The following EP400 variants were observed in gnomAD, a reference collection of about 807,000 sequenced individuals.
EP400 encodes E1A-binding protein p400.
A neutral mutation model predicts 354.1 loss-of-function variants in EP400; 105 were observed. That is an observed-to-expected ratio of 0.30 (90% confidence interval 0.25 to 0.35). The LOEUF (loss-of-function observed/expected upper bound fraction) is 0.35. EP400 is among the 10% of genes least tolerant of loss of function. The pLI is 1.00. For synonymous variants in EP400, 1,646 were observed against 1,716.9 expected, an observed-to-expected ratio of 0.96 and a Z score of 1.02; for missense variants, 3,280 against 4,121.0, an observed-to-expected ratio of 0.80 and a Z score of 5.59.
In EP400 at chr12:132,067,192, A is replaced by T; in HGVS notation, c.8750-170A>T. The T allele has an allele frequency of 8.4e-7, 1 of 1,194,870 alleles. No individual in the cohort carries two copies. The highest frequency in any genetic ancestry group is 1.2e-6 in the Non-Finnish European group (1 of 857,596). 74.0% of individuals were successfully genotyped at this position (1,194,870 alleles called of 1,614,324 possible). On this transcript the variant is annotated intron_variant, in intron 49 of 52. Coordinates refer to ENST00000389561, the MANE Select transcript of EP400 (RefSeq NM_015409.5). This position sits in a 1 kb window ranked among gnomAD's most constrained non-coding sequence, Gnocchi z 5.3. ...GAAATTTCCGTCTTAATTTAAGTGT[A>T]ATTTGTGAACCCAGAAACATTTTAA... is the stretch of plus-strand genomic sequence containing the variant.
Position 132,034,723 on chromosome 12 carries a change from G to A in EP400, c.5951+2574G>A, listed in dbSNP as rs553865578. Among the ~76,000 whole-genome samples, 11 of 152,386 alleles carry A rather than the reference G, an allele frequency of 7.2e-5. No individual in the cohort carries two copies. In the East Asian group the frequency reaches 2.1e-3, roughly 29 times the overall value. On this transcript the variant is annotated intron_variant, in intron 30 of 52. Coordinates refer to ENST00000389561, the MANE Select transcript of EP400 (RefSeq NM_015409.5). ...GTCATGAATGTGCCGCACACCTTGT[G>A]CTCCACGAGTGAGAGGAGGGGCTTG...
intron 35 of EP400, 128 bp downstream of exon 35, chr12:132,044,439 A>C: frequency 7.4e-7 from 1 of 1,352,786 alleles, no homozygotes; most frequent in East Asian, 2.5e-5. Context: ...TACTTCTCAT[A>C]TCAACACAAC....
Position 132,027,591 on chromosome 12 carries a change from C to CGTTGT in EP400, c.5109+64_5109+68dup, listed in dbSNP as rs1402322624. On this transcript the variant is annotated intron_variant, in intron 26 of 52. Coordinates refer to ENST00000389561, the MANE Select transcript of EP400 (RefSeq NM_015409.5). This position sits in a 1 kb window ranked among gnomAD's most constrained non-coding sequence, Gnocchi z 4.9. The stretch of plus-strand genomic sequence containing the variant: ...GACAGGTAGCTTTCCAAGAGCTGCT[C>CGTTGT]GTTGTGTTTGGTTGTGATATTTAAA... The CGTTGT allele has an allele frequency of 1.4e-6, 2 of 1,406,368 alleles. No homozygotes were observed. The highest frequency in any genetic ancestry group is 4.6e-5 in the Admixed American group (2 of 43,750). 87.1% of individuals were successfully genotyped at this position (1,406,368 alleles called of 1,614,324 possible). A position where few individuals can be genotyped will look rare whatever the true frequency, so the allele number is the denominator to read the frequency against.
intron 47 of EP400, among the ~76,000 whole-genome samples, chr12:132,063,631 G>A (rs1895781730): frequency 6.6e-6 from 1 of 152,216 alleles, no homozygotes; most frequent in Non-Finnish European, 1.5e-5. Flanking sequence ...TCACTGTTGG[G>A]CCTGCCGGAG....
At chr12:132,040,762 T>C (rs1477641798) in intron 32 of EP400, among the ~76,000 whole-genome samples, 1 of 152,126 alleles carries the variant, frequency 6.6e-6, no homozygotes, top group Non-Finnish European at 1.5e-5. Flanking sequence ...GCAGACAGGT[T>C]AGTGTGGCTG....
Position 132,017,720 on chromosome 12 carries a change from A to G in EP400, c.4109A>G (p.Lys1370Arg). Reference protein sequence around the residue: ...ILKALERDFWKEADLSMFDLI... With the variant: ...ILKALERDFWREADLSMFDLI... ...AAGGCACTGGAGAGAGATTTCTGGA[A>G]GGTAAGTGGAGGATCCAGAAAGCGG... The change falls in exon 20 of 53, where the codon AAG becomes AGG. Residue 1370 changes from lysine to arginine, a missense_variant and splice_region_variant. Lys to Arg is a conservative substitution (Grantham distance 26). Around this residue, in one of 20 missense-constraint regions of EP400, gnomAD observed 342 missense variants for 342.7 expected, o/e 1.00. Transcript: ENST00000389561. This position sits in a 1 kb window ranked among gnomAD's most constrained non-coding sequence, Gnocchi z 5.0. The G allele has an allele frequency of 6.6e-7, 1 of 1,516,474 alleles. No individual in the cohort carries two copies. Among genetic ancestry groups the G allele is most frequent in the Non-Finnish European group, 8.8e-7 (1 of 1,133,044 alleles). The allele number at this position is 1,516,474 out of a possible 1,614,324, so 93.9% of individuals were successfully genotyped here.
In EP400 at chr12:132,055,079, A is replaced by G; in HGVS notation, c.7775-20A>G. Reference sequence around the variant, plus strand: ...CCATTTCTCCTGGCGCTGTTGCCTTATGCCCGCCTGTCTCCGCAGGTGCCG... The same window carrying G: ...CCATTTCTCCTGGCGCTGTTGCCTTGTGCCCGCCTGTCTCCGCAGGTGCCG... On this transcript the variant is annotated intron_variant, in intron 44 of 52. Coordinates refer to ENST00000389561, the MANE Select transcript of EP400 (RefSeq NM_015409.5). 1 of 1,613,872 alleles carries G rather than the reference A, an allele frequency of 6.2e-7. No individual in the cohort carries two copies. Among genetic ancestry groups the G allele is most frequent in the East Asian group, 2.2e-5 (1 of 44,866 alleles).
chr12:131,997,424 C>T (rs1261822021), intron 12 of EP400, among the ~76,000 whole-genome samples: 4 of 151,944 alleles, frequency 2.6e-5, no homozygotes, highest in Non-Finnish European at 2.9e-5. Context: ...CGCGCTACCA[C>T]GCCCAGCTGA....
chr12:132,064,268 T>G (rs1895812753), intron 47 of EP400, among the ~76,000 whole-genome samples: 1 of 152,222 alleles, frequency 6.6e-6, no homozygotes, highest in Admixed American at 6.5e-5. Flanking sequence ...TCAAAACCAG[T>G]TCACTTCCAG....
In EP400 at chr12:132,028,056, A is replaced by T. The variant is rs757664330; in HGVS notation, c.5149A>T (p.Ile1717Phe). ...TRLLKERLDQ[I>F]YLVNERRCSQ... Reference sequence around the variant, plus strand: ...ACTCTTGAAAGAGCGCCTGGATCAGATTTATTTAGTCAACGAGCGGCGCTG... The same window carrying T: ...ACTCTTGAAAGAGCGCCTGGATCAGTTTTATTTAGTCAACGAGCGGCGCTG... The change falls in exon 27 of 53, where the codon ATT (isoleucine) becomes TTT (phenylalanine). Residue 1717 changes from isoleucine to phenylalanine, a missense_variant. Coordinates refer to ENST00000389561, the MANE Select transcript of EP400 (RefSeq NM_015409.5). 1 of 1,614,210 alleles carries T rather than the reference A, an allele frequency of 6.2e-7. No individual in the cohort carries two copies. Among genetic ancestry groups the T allele is most frequent in the Non-Finnish European group, 8.5e-7 (1 of 1,180,026 alleles).
At position 132,017,517 on chromosome 12, in the gene EP400, T is replaced by G. The variant is rs1473783462; in HGVS notation, c.3924-18T>G. 3 of 1,612,380 alleles carry G rather than the reference T, an allele frequency of 1.9e-6. No homozygotes were observed. Among genetic ancestry groups the G allele is most frequent in the Non-Finnish European group, 2.5e-6 (3 of 1,179,262 alleles). On this transcript the variant is annotated intron_variant, in intron 19 of 52. Coordinates refer to ENST00000389561, the MANE Select transcript of EP400 (RefSeq NM_015409.5). The surrounding 1 kb of genome is among the most constrained non-coding windows in gnomAD (Gnocchi z 5.0). Reference sequence around the variant, plus strand: ...GCCGTTTGGATTGAATGCTTCGTGTTTCTTTCTCCACGGGCAGCACTCAGG... The same window carrying G: ...GCCGTTTGGATTGAATGCTTCGTGTGTCTTTCTCCACGGGCAGCACTCAGG...
rs1449768842 is a variant in EP400, at chr12:132,025,872, GA to G, written c.5014+71del. On this transcript the variant is annotated intron_variant, in intron 25 of 52. Coordinates refer to ENST00000389561, the MANE Select transcript of EP400 (RefSeq NM_015409.5). This position sits in a 1 kb window ranked among gnomAD's most constrained non-coding sequence, Gnocchi z 4.1. ...CTTTCTCTTCCATCTAAGGCGAGTGGAAAGCATTCATGTGTCTTTGACTGTA... is the reference window on the plus strand; with the variant it reads ...CTTTCTCTTCCATCTAAGGCGAGTGGAAGCATTCATGTGTCTTTGACTGTA... 72 of 1,474,388 alleles carry G rather than the reference GA, an allele frequency of 4.9e-5. No homozygotes were observed. Among genetic ancestry groups the G allele is most frequent in the Non-Finnish European group, 6.3e-5 (70 of 1,115,258 alleles). The allele number at this position is 1,474,388 out of a possible 1,614,324, so 91.3% of individuals were successfully genotyped here.
At chr12:131,993,617 C>G (rs1001672426) in intron 11 of EP400, among the ~76,000 whole-genome samples, 126 of 152,252 alleles carry the variant, frequency 8.3e-4, no homozygotes, top group African/African-American at 2.9e-3. Flanking sequence ...CTGAGAGATG[C>G]GTTGCTGGAC....
chr12:131,958,004 C>G lies in EP400; in HGVS notation c.-35-2581C>G, dbSNP rs58967477. On this transcript the variant is annotated intron_variant, in intron 1 of 52. Coordinates refer to ENST00000389561, the MANE Select transcript of EP400 (RefSeq NM_015409.5). ...TTAAAATTCCTAACCCTTACCTTTC[C>G]CCTGGTTTTCTGAATTACTATATGT... is the stretch of plus-strand genomic sequence containing the variant. Among the ~76,000 whole-genome samples the G allele has an allele frequency of 6.5e-3, 983 of 152,204 alleles. 8 individuals carry two copies. The highest frequency in any genetic ancestry group is 0.021 in the African/African-American group (867 of 41,530).
intron 19 of EP400, among the ~76,000 whole-genome samples, chr12:132,014,499 A>G (rs1893863297): frequency 6.6e-6 from 1 of 151,992 alleles, no homozygotes; most frequent in African/African-American, 2.4e-5. Context: ...AGGTCTTCAG[A>G]TGTGCATGGT....
chr12:132,020,874 G>A (rs1316473384), intron 22 of EP400, among the ~76,000 whole-genome samples: 1 of 152,196 alleles, frequency 6.6e-6, no homozygotes, highest in African/African-American at 2.4e-5. Flanking sequence ...ACTGTAGCTC[G>A]AAGTGAAGAT....
intron 5 of EP400, 48 bp from the exon 6 acceptor site, chr12:131,986,466 C>G (rs1401411396): frequency 1.9e-6 from 3 of 1,538,542 alleles, no homozygotes. Context: ...CGTGGGCTGC[C>G]CCGACATCTT....
At chr12:132,028,391 T>G in intron 27 of EP400, 103 bp downstream of exon 27, 1 of 1,410,304 alleles carries the variant, frequency 7.1e-7, no homozygotes, top group Non-Finnish European at 9.8e-7. Flanking sequence ...CATCGGCTTC[T>G]CCCCACGCTG....
intron 30 of EP400, among the ~76,000 whole-genome samples, chr12:132,032,820 G>A (rs966748741): frequency 1.3e-5 from 2 of 152,132 alleles, no homozygotes; most frequent in East Asian, 1.9e-4. Context: ...TAGTAGAGAC[G>A]GAGTTTTACC....
Sources: gnomAD v4.1 joint callset for allele counts (sites outside exome capture counted in the v4.1 genomes callset) on GRCh38, gnomAD v4.1.1 for gene constraint, gnomAD v4.1.1 regional missense constraint, Gnocchi (gnomAD v3.1) non-coding constraint, MANE v1.5 for transcripts, NCBI Gene and HGNC (gene_info 2026-07-23, HGNC 2026-07-21) for gene names.